The following LRRIQ3 variants were observed in gnomAD, a reference collection of about 807,000 sequenced individuals.
LRRIQ3 encodes the protein leucine-rich repeat and IQ domain-containing protein 3.
Under a neutral mutation model 59.3 loss-of-function variants are expected in LRRIQ3, and 75 were observed. The observed-to-expected ratio is 1.26, with a 90% confidence interval of 1.05 to 1.53. LRRIQ3 has a LOEUF of 1.53. LRRIQ3 is among the 40% of genes most tolerant of loss of function. The probability of loss-of-function intolerance (pLI) is 0.00; values close to 1 mark genes in which losing one functional copy is unlikely to be tolerated. For synonymous variants in LRRIQ3, 250 were observed against 231.3 expected, an observed-to-expected ratio of 1.08 and a Z score of -0.73; for missense variants, 831 against 710.0, an observed-to-expected ratio of 1.17 and a Z score of -1.94.
At chr1:74,138,701 G>A (rs1379305724) in intron 4 of LRRIQ3, among the ~76,000 whole-genome samples, 1 of 151,932 alleles carries the variant, frequency 6.6e-6, no homozygotes. Flanking sequence ...AGTTATACTT[G>A]TAATGGGAGT....
intron 1 of LRRIQ3, among the ~76,000 whole-genome samples, chr1:74,194,444 A>G (rs1650967671): frequency 6.6e-6 from 1 of 152,200 alleles, no homozygotes; most frequent in African/African-American, 2.4e-5. Flanking sequence ...AATGACATGA[A>G]AAGTCATTCA....
chr1:74,135,853 G>T lies in LRRIQ3; in HGVS notation c.707+19880C>A, dbSNP rs1472305408. Among the ~76,000 whole-genome samples, 4 of 151,704 alleles carry T rather than the reference G, an allele frequency of 2.6e-5. No homozygotes were observed. The East Asian group carries it at 7.8e-4, about 30-fold the overall frequency. On this transcript the variant is annotated intron_variant, in intron 4 of 7. Transcript: ENST00000354431. ...GAGGTGGAGTGTGGAAGGAGGGAGG[G>T]TAAAGGAATCTCATAGCAAGCAAGA...
At chr1:74,040,451 T>A (rs894043141) in intron 7 of LRRIQ3, among the ~76,000 whole-genome samples, 1 of 152,208 alleles carries the variant, frequency 6.6e-6, no homozygotes, top group Admixed American at 6.5e-5. Flanking sequence ...CTAATAGACA[T>A]CTACAGAATT....
At chr1:74,039,519 A>T (rs988577788) in intron 7 of LRRIQ3, among the ~76,000 whole-genome samples, 11 of 150,920 alleles carry the variant, frequency 7.3e-5, no homozygotes, top group African/African-American at 2.7e-4. Flanking sequence ...CCCAAGACAC[A>T]TATGGGCAGC....
chr1:74,138,458 T>C, intron 4 of LRRIQ3: 1 of 983,704 alleles, frequency 1.0e-6, no homozygotes, highest in South Asian at 4.7e-5. Flanking sequence ...TGGTGTCCCA[T>C]GGGCAGGGTC....
intron 4 of LRRIQ3, among the ~76,000 whole-genome samples, chr1:74,127,262 G>T (rs1021090195): frequency 1.3e-5 from 2 of 151,702 alleles, no homozygotes; most frequent in African/African-American, 2.4e-5. Flanking sequence ...ATTTCTTACT[G>T]GTAACCAATC....
chr1:74,087,963 G>A (rs1646347718), intron 5 of LRRIQ3, among the ~76,000 whole-genome samples: 2 of 151,730 alleles, frequency 1.3e-5, no homozygotes, highest in African/African-American at 4.8e-5. Context: ...TGGGTGTGAT[G>A]GCGCCTGTAG....
In LRRIQ3 at chr1:74,130,268, A is replaced by G. The variant is rs140114447; in HGVS notation, c.708-20715T>C. Among the ~76,000 whole-genome samples the G allele has an allele frequency of 1.3e-3, 204 of 152,140 alleles. 1 individual carries two copies. The highest frequency in any genetic ancestry group is 4.8e-3 in the African/African-American group (201 of 41,554). On this transcript the variant is annotated intron_variant, in intron 4 of 7. Coordinates refer to ENST00000354431, the MANE Select transcript of LRRIQ3 (RefSeq NM_001105659.2). Reference sequence around the variant, plus strand: ...CGGGTAAGGTGGTGAGGCTTGTTAGAACTTAGGCTCTGACCACTGGGATGA... The same window carrying G: ...CGGGTAAGGTGGTGAGGCTTGTTAGGACTTAGGCTCTGACCACTGGGATGA...
At chr1:74,121,539 TTTAATC>T (rs1463062782) in intron 4 of LRRIQ3, among the ~76,000 whole-genome samples, 1 of 152,038 alleles carries the variant, frequency 6.6e-6, no homozygotes, top group Non-Finnish European at 1.5e-5. Context: ...TCTATATAAT[TTTAATC>T]TTATTAGTAA....
At chr1:74,100,304 A>G (rs1305461725) in intron 5 of LRRIQ3, among the ~76,000 whole-genome samples, 1 of 152,182 alleles carries the variant, frequency 6.6e-6, no homozygotes, top group Non-Finnish European at 1.5e-5. Flanking sequence ...ACTCCCATTC[A>G]CAATTGCTTC....
intron 5 of LRRIQ3, among the ~76,000 whole-genome samples, chr1:74,084,392 C>G (rs1406745829): frequency 1.3e-5 from 2 of 151,648 alleles, no homozygotes; most frequent in Admixed American, 1.3e-4. Context: ...CAAATGATAG[C>G]AAGAAACCTA....
Position 74,198,082 on chromosome 1 carries a change from G to C in LRRIQ3, c.-87C>G. ...CAGACAAATCGCTGGGCGGCCATCT[G>C]CTCCTGAGACCGTTGCTAGAGAAAC... is the stretch of plus-strand genomic sequence containing the variant. On this transcript the variant is annotated 5_prime_UTR_variant, in exon 1 of 8. Coordinates refer to ENST00000354431, the MANE Select transcript of LRRIQ3 (RefSeq NM_001105659.2). The C allele has an allele frequency of 1.7e-6, 2 of 1,207,040 alleles. No homozygotes were observed. The highest frequency in any genetic ancestry group is 1.7e-5 in the South Asian group (1 of 58,448). The allele number at this position is 1,207,040 out of a possible 1,614,324, so 74.8% of individuals were successfully genotyped here.
chr1:74,071,092 T>C (rs1041795042), intron 6 of LRRIQ3, among the ~76,000 whole-genome samples: 19 of 151,402 alleles, frequency 1.3e-4, no homozygotes, highest in African/African-American at 3.6e-4. Context: ...TATAGTTATA[T>C]ATATATATAG....
At chr1:74,101,575 T>C (rs1646533823) in intron 5 of LRRIQ3, among the ~76,000 whole-genome samples, 1 of 152,118 alleles carries the variant, frequency 6.6e-6, no homozygotes, top group Non-Finnish European at 1.5e-5. Context: ...ACCCAAAGGA[T>C]TATAAATCAT....
chr1:74,069,079 C>G (rs193286192), intron 6 of LRRIQ3, among the ~76,000 whole-genome samples: 24 of 152,132 alleles, frequency 1.6e-4, no homozygotes, highest in Non-Finnish European at 4.4e-5. Flanking sequence ...GATACAATGA[C>G]CCTCAAATAA....
intron 6 of LRRIQ3, among the ~76,000 whole-genome samples, chr1:74,055,446 T>C (rs1191277527): frequency 1.7e-4 from 26 of 152,110 alleles, no homozygotes. Flanking sequence ...CATGGAGTCA[T>C]AAAATATGTG....
At chr1:74,087,965 C>A (rs145514075) in intron 5 of LRRIQ3, among the ~76,000 whole-genome samples, 1 of 151,698 alleles carries the variant, frequency 6.6e-6, no homozygotes, top group Non-Finnish European at 1.5e-5. Flanking sequence ...GGTGTGATGG[C>A]GCCTGTAGTC....
At chr1:74,121,628 A>C (rs1646857469) in intron 4 of LRRIQ3, among the ~76,000 whole-genome samples, 1 of 152,012 alleles carries the variant, frequency 6.6e-6, no homozygotes, top group Non-Finnish European at 1.5e-5. Context: ...GCATGTGCAC[A>C]ACGTGCAGGT....
At chr1:74,143,747 T>A (rs1015714058) in intron 4 of LRRIQ3, among the ~76,000 whole-genome samples, 2 of 151,412 alleles carry the variant, frequency 1.3e-5, no homozygotes, top group African/African-American at 4.8e-5. Context: ...TACAACTTTT[T>A]ATCTCATAAT....
Sources: allele counts gnomAD v4.1 joint callset (sites outside exome capture counted in the v4.1 genomes callset), GRCh38; gene constraint gnomAD v4.1.1; transcripts MANE v1.5; gene names NCBI Gene and HGNC (gene_info 2026-07-23, HGNC 2026-07-21).